CFL2: variants seen among roughly 807,000 people sequenced by gnomAD.
CFL2 encodes the protein cofilin 2.
A neutral mutation model predicts 19.6 loss-of-function variants in CFL2; 10 were observed. The ratio of observed to expected loss-of-function variants is 0.51; its 90% CI spans 0.31 to 0.86. The LOEUF is 0.86. Among genes scored for constraint, CFL2 ranks in the 40% least tolerant of loss-of-function variants. The pLI, the probability that CFL2 is intolerant of heterozygous loss-of-function variation, is 0.04. For missense variants in CFL2, 125 were observed against 192.1 expected (o/e 0.65, Z 2.06); for synonymous variants, 63 against 66.7 (o/e 0.95, Z 0.27).
At chr14:34,714,271 G>C in intron 1 of CFL2, 1 of 482,184 alleles carries the variant, frequency 2.1e-6, no homozygotes, top group Non-Finnish European at 3.6e-6. Flanking sequence ...GCAGTCCGCA[G>C]ACCCTCTCGC....
Position 34,712,686 on chromosome 14 carries a change from G to A in CFL2, c.*179C>T. On this transcript the variant is annotated 3_prime_UTR_variant, in exon 4 of 4. Transcript: ENST00000298159. ...TATATAAAAGTAACAGTATTCAACA[G>A]TCTAATGGCAATCACTGATAGGCTG... The A allele has an allele frequency of 1.4e-6, 1 of 693,298 alleles. No homozygotes were observed. The highest frequency in any genetic ancestry group is 2.6e-6 in the Non-Finnish European group (1 of 378,166). 42.9% of individuals were successfully genotyped at this position (693,298 alleles called of 1,614,324 possible). A position where few individuals can be genotyped will look rare whatever the true frequency, so the allele number is the denominator to read the frequency against.
Position 34,711,262 on chromosome 14 carries a change from G to T in CFL2, c.*1603C>A, listed in dbSNP as rs1885277998. The T allele has an allele frequency of 2.2e-6, 1 of 454,400 alleles. No homozygotes were observed. The highest frequency in any genetic ancestry group is 2.4e-5 in the Admixed American group (1 of 42,550). The allele number at this position is 454,400 out of a possible 1,614,324, so 28.1% of individuals were successfully genotyped here. On this transcript the variant is annotated 3_prime_UTR_variant, in exon 4 of 4. Transcript: ENST00000298159. ...TGGGGTTAAGTTCTGAGCCACGACT[G>T]ACTGCTTACTAGCATGCCTGTTTTG...
Position 34,710,039 on chromosome 14 carries a change from T to A in CFL2, c.*2826A>T, listed in dbSNP as rs1347325914. 6.5e-6 allele frequency: 1 copy of A among 152,788 alleles called. No individual in the cohort carries two copies. The highest frequency in any genetic ancestry group is 1.5e-5 in the Non-Finnish European group (1 of 68,494). The allele number at this position is 152,788 out of a possible 1,614,324, so 9.5% of individuals were successfully genotyped here. On this transcript the variant is annotated 3_prime_UTR_variant, in exon 4 of 4. Coordinates refer to ENST00000298159, the MANE Select transcript of CFL2 (RefSeq NM_138638.5). ...TTATTCCTTAACAAGAAAACACTTT[T>A]AAAAGAATTTCCTCCCAAAGCTTAT...
At chr14:34,713,868 G>A in intron 1 of CFL2, 7 of 1,480,466 alleles carry the variant, frequency 4.7e-6, no homozygotes. Flanking sequence ...AGGAGTGGCA[G>A]CAAAAATACC....
chr14:34,711,619 T>C lies in CFL2; in HGVS notation c.*1246A>G. Reference sequence around the variant, plus strand: ...TACGACCAAATAAGCAATAAGAGCTTCCTGCTTCTACTATACAACTACTTA... The same window carrying C: ...TACGACCAAATAAGCAATAAGAGCTCCCTGCTTCTACTATACAACTACTTA... On this transcript the variant is annotated 3_prime_UTR_variant, in exon 4 of 4. Coordinates refer to ENST00000298159, the MANE Select transcript of CFL2 (RefSeq NM_138638.5). The C allele has an allele frequency of 2.2e-6, 1 of 452,528 alleles. No homozygotes were observed. The allele number at this position is 452,528 out of a possible 1,614,324, so 28.0% of individuals were successfully genotyped here.
chr14:34,710,419 TAAGTA>T lies in CFL2; in HGVS notation c.*2441_*2445del, dbSNP rs1423357399. On this transcript the variant is annotated 3_prime_UTR_variant, in exon 4 of 4. Coordinates refer to ENST00000298159, the MANE Select transcript of CFL2 (RefSeq NM_138638.5). The stretch of plus-strand genomic sequence containing the variant: ...TTTAAACTTTTAATGTTCTGAAGTA[TAAGTA>T]AACACATCTCAACAGCTTTACATAT... The T allele has an allele frequency of 5.4e-6, 2 of 373,364 alleles. No individual in the cohort carries two copies. Among genetic ancestry groups the T allele is most frequent in the Non-Finnish European group, 1.0e-5 (2 of 190,754 alleles). 23.1% of individuals were successfully genotyped at this position (373,364 alleles called of 1,614,324 possible). A position where few individuals can be genotyped will look rare whatever the true frequency, so the allele number is the denominator to read the frequency against.
In CFL2 at chr14:34,710,121, C is replaced by T. The variant is rs1374389873; in HGVS notation, c.*2744G>A. ...TGTTCTGTATCAGAGAAACTCAAAC[C>T]CAGTAAGAGGCTTCTCTTCCAATGT... On this transcript the variant is annotated 3_prime_UTR_variant, in exon 4 of 4. Coordinates refer to ENST00000298159, the MANE Select transcript of CFL2 (RefSeq NM_138638.5). The T allele has an allele frequency of 6.5e-6, 1 of 153,862 alleles. No homozygotes were observed. Among genetic ancestry groups the T allele is most frequent in the Non-Finnish European group, 1.4e-5 (1 of 69,264 alleles). 9.5% of individuals were successfully genotyped at this position (153,862 alleles called of 1,614,324 possible).
In CFL2 at chr14:34,711,811, G is replaced by T; in HGVS notation, c.*1054C>A. 2.2e-6 allele frequency: 1 copy of T among 451,092 alleles called. No homozygotes were observed. The highest frequency in any genetic ancestry group is 4.4e-6 in the Non-Finnish European group (1 of 226,074). 27.9% of individuals were successfully genotyped at this position (451,092 alleles called of 1,614,324 possible). A position where few individuals can be genotyped will look rare whatever the true frequency, so the allele number is the denominator to read the frequency against. ...ATAAAAGTACCATTCTTTAACAATG[G>T]TATTTTATATTAGTTGGCCTTAAGA... On this transcript the variant is annotated 3_prime_UTR_variant, in exon 4 of 4. Transcript: ENST00000298159.
rs1885337951 is a variant in CFL2 at position 34,712,553 on chromosome 14, T to G, written c.*312A>C. On this transcript the variant is annotated 3_prime_UTR_variant, in exon 4 of 4. Transcript: ENST00000298159. ...TCAATTAGCTTATCCTTTGCAGTAT[T>G]CTAAGCTATTCACATTGACGATCAC... 2.0e-6 allele frequency: 1 copy of G among 503,900 alleles called. No homozygotes were observed. The highest frequency in any genetic ancestry group is 1.5e-5 in the South Asian group (1 of 64,956). 31.2% of individuals were successfully genotyped at this position (503,900 alleles called of 1,614,324 possible).
rs1420732653 is a variant in CFL2 at position 34,713,044 on chromosome 14, A to C, written c.388+16T>G. The C allele has an allele frequency of 6.4e-7, 1 of 1,567,854 alleles. No individual in the cohort carries two copies. Among genetic ancestry groups the C allele is most frequent in the South Asian group, 1.2e-5 (1 of 85,902 alleles). ...ATAAAGAATAATTTCTCTGCCCCAA[A>C]TATTCAAGTTTGTACCTGTAAATTT... On this transcript the variant is annotated intron_variant, in intron 3 of 3. Transcript: ENST00000298159.
chr14:34,710,602 A>C lies in CFL2; in HGVS notation c.*2263T>G. On this transcript the variant is annotated 3_prime_UTR_variant, in exon 4 of 4. Transcript: ENST00000298159. ...GATTGTAAAATAAAATGATCATTTC[A>C]AATGCCAAATTAATCTCAAATAACA... 2.3e-6 allele frequency: 1 copy of C among 432,472 alleles called. No individual in the cohort carries two copies. The highest frequency in any genetic ancestry group is 4.6e-6 in the Non-Finnish European group (1 of 218,582). The allele number at this position is 432,472 out of a possible 1,614,324, so 26.8% of individuals were successfully genotyped here. A position where few individuals can be genotyped will look rare whatever the true frequency, so the allele number is the denominator to read the frequency against.
Position 34,711,501 on chromosome 14 carries a change from A to T in CFL2, c.*1364T>A, listed in dbSNP as rs1262854804. The T allele has an allele frequency of 2.2e-6, 1 of 454,592 alleles. No individual in the cohort carries two copies. The highest frequency in any genetic ancestry group is 4.4e-6 in the Non-Finnish European group (1 of 226,802). 28.2% of individuals were successfully genotyped at this position (454,592 alleles called of 1,614,324 possible). The stretch of plus-strand genomic sequence containing the variant: ...CAATTCCTATTCCAATTCAATTTGC[A>T]AAATATATTCAGAAATAGTAGGTGA... On this transcript the variant is annotated 3_prime_UTR_variant, in exon 4 of 4. Coordinates refer to ENST00000298159, the MANE Select transcript of CFL2 (RefSeq NM_138638.5).
In CFL2 at chr14:34,711,518, A is replaced by C. The variant is rs1158635984; in HGVS notation, c.*1347T>G. 1 of 454,592 alleles carries C rather than the reference A, an allele frequency of 2.2e-6. No homozygotes were observed. The highest frequency in any genetic ancestry group is 2.3e-5 in the Admixed American group (1 of 42,570). The allele number at this position is 454,592 out of a possible 1,614,324, so 28.2% of individuals were successfully genotyped here. ...CAATTTGCAAAATATATTCAGAAATAGTAGGTGAAATGACTGTTCCGAAAC... is the reference window on the plus strand; with the variant it reads ...CAATTTGCAAAATATATTCAGAAATCGTAGGTGAAATGACTGTTCCGAAAC... On this transcript the variant is annotated 3_prime_UTR_variant, in exon 4 of 4. Transcript: ENST00000298159.
chr14:34,712,253 T>A lies in CFL2; in HGVS notation c.*612A>T. The A allele has an allele frequency of 2.2e-6, 1 of 454,554 alleles. No individual in the cohort carries two copies. Among genetic ancestry groups the A allele is most frequent in the Non-Finnish European group, 4.4e-6 (1 of 226,782 alleles). The allele number at this position is 454,554 out of a possible 1,614,324, so 28.2% of individuals were successfully genotyped here. On this transcript the variant is annotated 3_prime_UTR_variant, in exon 4 of 4. Transcript: ENST00000298159. ...AACAGCTATTTCTTTTAAGAAGATA[T>A]GCAGGTAACAGGAATGAACACTGAG... is the stretch of plus-strand genomic sequence containing the variant.
At position 34,713,285 on chromosome 14, in the gene CFL2, ACT is replaced by A; in HGVS notation, c.278_279del (p.Glu93ValfsTer2). The A allele has an allele frequency of 6.2e-7, 1 of 1,612,690 alleles. No individual in the cohort carries two copies. Among genetic ancestry groups the A allele is most frequent in the Non-Finnish European group, 8.5e-7 (1 of 1,179,634 alleles). On this transcript the variant is annotated frameshift_variant, in exon 2 of 4. Coordinates refer to ENST00000298159, the MANE Select transcript of CFL2 (RefSeq NM_138638.5). LOFTEE classifies it high-confidence loss of function. ...ALYDATYETKESKKEDLVFIF... is the reference protein window; with the variant it reads ...ALYDATYETKXSKKEDLVFIF... ...ATAAATACTAGGTCTTCTTTCTTAG[ACT>A]CTTTTGTTTCGTATGTGGCATCGTA...
rs1475836880 is a variant in CFL2, at chr14:34,711,502, A to C, written c.*1363T>G. ...AATTCCTATTCCAATTCAATTTGCA[A>C]AATATATTCAGAAATAGTAGGTGAA... On this transcript the variant is annotated 3_prime_UTR_variant, in exon 4 of 4. Coordinates refer to ENST00000298159, the MANE Select transcript of CFL2 (RefSeq NM_138638.5). 2.2e-6 allele frequency: 1 copy of C among 454,588 alleles called. No individual in the cohort carries two copies. Among genetic ancestry groups the C allele is most frequent in the African/African-American group, 2.0e-5 (1 of 50,150 alleles). 28.2% of individuals were successfully genotyped at this position (454,588 alleles called of 1,614,324 possible). A position where few individuals can be genotyped will look rare whatever the true frequency, so the allele number is the denominator to read the frequency against.
chr14:34,712,503 C>G lies in CFL2; in HGVS notation c.*362G>C. ...ATACTGAAAAAAGTTGACCATCTGA[C>G]CAGTGGATAATACTTTCAAGGCATT... On this transcript the variant is annotated 3_prime_UTR_variant, in exon 4 of 4. Transcript: ENST00000298159. The G allele has an allele frequency of 2.2e-6, 1 of 464,316 alleles. No individual in the cohort carries two copies. Among genetic ancestry groups the G allele is most frequent in the Non-Finnish European group, 4.3e-6 (1 of 233,764 alleles). The allele number at this position is 464,316 out of a possible 1,614,324, so 28.8% of individuals were successfully genotyped here.
chr14:34,710,953 CA>C lies in CFL2; in HGVS notation c.*1911del. 2.2e-6 allele frequency: 1 copy of C among 454,068 alleles called. No individual in the cohort carries two copies. The highest frequency in any genetic ancestry group is 1.6e-5 in the South Asian group (1 of 64,472). The allele number at this position is 454,068 out of a possible 1,614,324, so 28.1% of individuals were successfully genotyped here. ...CGTCAGTATTCTCTGTTTTGCTTAT[CA>C]GAGTTTGGCCTTACCAAAAACCATC... On this transcript the variant is annotated 3_prime_UTR_variant, in exon 4 of 4. Coordinates refer to ENST00000298159, the MANE Select transcript of CFL2 (RefSeq NM_138638.5).
intron 1 of CFL2, chr14:34,714,238 G>A (rs1885417127): frequency 2.3e-6 from 1 of 430,958 alleles, no homozygotes; most frequent in Non-Finnish European, 4.1e-6. Context: ...AGGAAGCGAA[G>A]GGCAAAGGCG....
Sources: allele counts gnomAD v4.1 joint callset, GRCh38; gene constraint gnomAD v4.1.1; transcripts MANE v1.5; gene names NCBI Gene and HGNC (gene_info 2026-07-23, HGNC 2026-07-21).